Variants in MAD1L1 observed in about 807,000 individuals in gnomAD.
MAD1L1 encodes the protein mitotic spindle assembly checkpoint protein MAD1.
Under a neutral mutation model 96.9 loss-of-function variants are expected in MAD1L1, and 95 were observed. The ratio of observed to expected loss-of-function variants is 0.98; its 90% CI spans 0.83 to 1.16. The LOEUF (loss-of-function observed/expected upper bound fraction) is 1.16. Among genes scored for constraint, MAD1L1 ranks in the 50% most tolerant of loss-of-function variants. The probability of loss-of-function intolerance (pLI) is 0.00; values close to 1 mark genes in which losing one functional copy is unlikely to be tolerated. For synonymous variants in MAD1L1, 473 were observed against 396.6 expected (o/e 1.19, Z -2.29); for missense variants, 1,007 against 954.4 (o/e 1.06, Z -0.73).
At chr7:2,109,268 C>T (rs1436182480) in intron 11 of MAD1L1, among the ~76,000 whole-genome samples, 1 of 152,244 alleles carries the variant, frequency 6.6e-6, no homozygotes, top group Non-Finnish European at 1.5e-5. Flanking sequence ...CTTCAGGCCA[C>T]ATGGATAGTC....
At chr7:1,895,032 G>A (rs565646213) in intron 18 of MAD1L1, among the ~76,000 whole-genome samples, 3 of 152,248 alleles carry the variant, frequency 2.0e-5, no homozygotes, top group East Asian at 3.9e-4. Context: ...AAGGTGGCAC[G>A]TGTCCTAGGA....
chr7:2,149,686 A>T (rs1789476290), intron 10 of MAD1L1, among the ~76,000 whole-genome samples: 1 of 152,210 alleles, frequency 6.6e-6, no homozygotes, highest in Non-Finnish European at 1.5e-5. Flanking sequence ...TTCCAGGACG[A>T]TTCCAGATTG....
At chr7:2,015,209 G>A (rs1054948668) in intron 12 of MAD1L1, among the ~76,000 whole-genome samples, 1 of 152,206 alleles carries the variant, frequency 6.6e-6, no homozygotes, top group Non-Finnish European at 1.5e-5. Context: ...AATGGGACAG[G>A]AAACCCATCG....
At chr7:2,163,523 G>A (rs1584462528) in intron 10 of MAD1L1, among the ~76,000 whole-genome samples, 1 of 152,226 alleles carries the variant, frequency 6.6e-6, no homozygotes, top group East Asian at 1.9e-4. Flanking sequence ...ACAGGCGCAT[G>A]ACACCACACC....
intron 12 of MAD1L1, among the ~76,000 whole-genome samples, chr7:2,041,049 T>C (rs962082434): frequency 2.6e-5 from 4 of 152,264 alleles, no homozygotes; most frequent in Middle Eastern, 3.4e-3. Context: ...TCCTACCCCC[T>C]GCACTGAGAC....
intron 17 of MAD1L1, among the ~76,000 whole-genome samples, chr7:1,904,005 C>T (rs1355532194): frequency 1.5e-4 from 17 of 116,112 alleles, no homozygotes; most frequent in Non-Finnish European, 1.5e-4. Flanking sequence ...GCAGCGAGGA[C>T]GCAGTGGCCT....
At chr7:1,838,524 G>A in intron 18 of MAD1L1, 1 of 339,364 alleles carries the variant, frequency 2.9e-6, no homozygotes, top group Non-Finnish European at 6.0e-6. Context: ...TCAGCACGTG[G>A]TCCAATGTGA....
rs139033596 is a variant in MAD1L1 at position 1,903,404 on chromosome 7, G to A, written c.1808-5014C>T. Among the ~76,000 whole-genome samples the A allele has an allele frequency of 3.1e-4, 46 of 147,698 alleles. 1 individual carries two copies. The highest frequency in any genetic ancestry group is 1.1e-3 in the African/African-American group (41 of 38,622). On this transcript the variant is annotated intron_variant, in intron 17 of 18. Transcript: ENST00000265854. ...GAGGACACAGTGGCCTATGGAAGAC[G>A]TTCTTGCGGAACTCATGATTGATGA...
chr7:2,188,126 G>T (rs1338597505), intron 10 of MAD1L1, among the ~76,000 whole-genome samples: 1 of 152,188 alleles, frequency 6.6e-6, no homozygotes, highest in African/African-American at 2.4e-5. Flanking sequence ...ACATAACCAT[G>T]CATGGATAAA....
At chr7:2,140,504 AG>A (rs1177634129) in intron 11 of MAD1L1, among the ~76,000 whole-genome samples, 1 of 152,246 alleles carries the variant, frequency 6.6e-6, no homozygotes, top group Non-Finnish European at 1.5e-5. Context: ...ACCAGGGAGA[AG>A]GGAGAAAAGA....
At chr7:1,862,123 G>C (rs1784562896) in intron 18 of MAD1L1, among the ~76,000 whole-genome samples, 1 of 152,206 alleles carries the variant, frequency 6.6e-6, no homozygotes, top group Non-Finnish European at 1.5e-5. Context: ...AACTCGGGGA[G>C]CTGCTCAGGG....
At chr7:1,887,412 T>TGC (rs1786133234) in intron 18 of MAD1L1, among the ~76,000 whole-genome samples, 1 of 18,304 alleles carries the variant, frequency 5.5e-5, no homozygotes, top group South Asian at 2.5e-3. Context: ...TGCCTGTGCA[T>TGC]GTGTGTGTGT....
chr7:2,042,232 C>A (rs910911475), intron 12 of MAD1L1, among the ~76,000 whole-genome samples: 1 of 147,838 alleles, frequency 6.8e-6, no homozygotes, highest in African/African-American at 2.5e-5. Context: ...CACACACAAG[C>A]GCATGCGCAC....
chr7:2,033,376 C>A (rs2128507406), intron 12 of MAD1L1, among the ~76,000 whole-genome samples: 1 of 152,290 alleles, frequency 6.6e-6, no homozygotes, highest in East Asian at 1.9e-4. Context: ...GAGCAAGGCC[C>A]TGAAAGGCTG....
chr7:2,145,060 G>A (rs899153444), intron 11 of MAD1L1, among the ~76,000 whole-genome samples: 3 of 152,108 alleles, frequency 2.0e-5, no homozygotes, highest in Non-Finnish European at 2.9e-5. Flanking sequence ...CTCCTGGAGC[G>A]CCTTACGGCC....
At chr7:2,000,747 G>A (rs1369586051) in intron 14 of MAD1L1, among the ~76,000 whole-genome samples, 2 of 152,230 alleles carry the variant, frequency 1.3e-5, no homozygotes, top group Non-Finnish European at 2.9e-5. Context: ...CAAGAAGAAT[G>A]TCCTTAAGCA....
intron 10 of MAD1L1, among the ~76,000 whole-genome samples, chr7:2,205,841 T>C (rs1323115401): frequency 3.3e-5 from 5 of 152,210 alleles, no homozygotes; most frequent in Admixed American, 1.3e-4. Context: ...GTAAAGTATC[T>C]GTTAAAAGCA....
intron 18 of MAD1L1, among the ~76,000 whole-genome samples, chr7:1,890,385 G>A (rs1431216172): frequency 6.6e-6 from 1 of 152,148 alleles, no homozygotes; most frequent in Non-Finnish European, 1.5e-5. Context: ...TTGTTAGAAG[G>A]AGCCTGGCAC....
intron 13 of MAD1L1, among the ~76,000 whole-genome samples, chr7:2,009,428 C>G (rs1242758385): frequency 6.6e-6 from 1 of 152,124 alleles, no homozygotes; most frequent in Non-Finnish European, 1.5e-5. Flanking sequence ...GTCACGGTCA[C>G]GTGGAAAAGG....
Sources: gnomAD v4.1 joint callset for allele counts (sites outside exome capture counted in the v4.1 genomes callset) on GRCh38, gnomAD v4.1.1 for gene constraint, MANE v1.5 for transcripts, NCBI Gene and HGNC (gene_info 2026-07-23, HGNC 2026-07-21) for gene names.